PCDHA3: variants seen among roughly 807,000 people sequenced by gnomAD.
PCDHA3 encodes the protein protocadherin alpha-3.
A neutral mutation model predicts 62.2 loss-of-function variants in PCDHA3; 41 were observed. That is an observed-to-expected ratio of 0.66 (90% CI 0.51 to 0.86). PCDHA3 has a LOEUF of 0.86. Ranked by LOEUF, PCDHA3 falls within the 40% of genes least tolerant of loss-of-function variation. PCDHA3 has a pLI of 0.00. For synonymous variants in PCDHA3, 640 were observed against 555.4 expected, an observed-to-expected ratio of 1.15 and a Z score of -2.14; for missense variants, 1,304 against 1,241.2, an observed-to-expected ratio of 1.05 and a Z score of -0.76.
intron 1 of PCDHA3, chr5:140,836,271 G>A: frequency 1.9e-6 from 3 of 1,613,806 alleles, no homozygotes; most frequent in Non-Finnish European, 2.5e-6. Context: ...GTACACTGGT[G>A]AGATCAGCAC....
intron 1 of PCDHA3, chr5:140,828,067 G>T (rs2150150517): frequency 6.4e-7 from 1 of 1,560,564 alleles, no homozygotes; most frequent in Admixed American, 2.0e-5. Flanking sequence ...ATCTTCTAAT[G>T]GAAATAAAAC....
chr5:140,966,862 G>C lies in PCDHA3; in HGVS notation c.2395-12087G>C, dbSNP rs782810195. On this transcript the variant is annotated intron_variant, in intron 1 of 3. Transcript: ENST00000522353. ...TGCTACTGCCTCTCCTGCTGCTGTTGCTGCTGCTGCTACCTGGCCCTGCGG... is the reference window on the plus strand; with the variant it reads ...TGCTACTGCCTCTCCTGCTGCTGTTCCTGCTGCTGCTACCTGGCCCTGCGG... The C allele has an allele frequency of 1.2e-5, 18 of 1,562,198 alleles. No individual in the cohort carries two copies. Among genetic ancestry groups the C allele is most frequent in the Non-Finnish European group, 1.5e-5 (18 of 1,164,444 alleles).
intron 1 of PCDHA3, chr5:140,927,642 T>A: frequency 6.2e-7 from 1 of 1,614,156 alleles, no homozygotes; most frequent in Non-Finnish European, 8.5e-7. Flanking sequence ...CCAATGGGAC[T>A]GTGTTATTCC....
intron 1 of PCDHA3, among the ~76,000 whole-genome samples, chr5:140,846,468 G>A (rs1461783374): frequency 7.0e-6 from 1 of 142,284 alleles, no homozygotes; most frequent in East Asian, 2.1e-4. Flanking sequence ...TCTGCCTCCC[G>A]GGTTCAAATG....
intron 1 of PCDHA3, chr5:140,856,033 A>T: frequency 1.3e-6 from 2 of 1,564,122 alleles, no homozygotes; most frequent in Non-Finnish European, 1.7e-6. Flanking sequence ...GATTTGTAAA[A>T]CAAGAGAAGG....
At chr5:140,842,863 C>A (rs1431713195) in intron 1 of PCDHA3, 4 of 1,593,844 alleles carry the variant, frequency 2.5e-6, no homozygotes, top group African/African-American at 1.3e-5. Context: ...ACACGGAGAG[C>A]GGCAAGGTGT....
rs116346509 is a variant in PCDHA3 at position 140,904,582 on chromosome 5, G to A, written c.2395-74367G>A. ...TTTTTTTCCTCTGGGTAGACACCCA[G>A]TAGTGGGACTGCTGGATCAAATAGT... On this transcript the variant is annotated intron_variant, in intron 1 of 3. Transcript: ENST00000522353. Among the ~76,000 whole-genome samples, 650 of 152,092 alleles carry A rather than the reference G, an allele frequency of 4.3e-3. 5 individuals are homozygous for A. The highest frequency in any genetic ancestry group is 5.5e-3 in the Non-Finnish European group (373 of 67,986).
At chr5:140,967,976 C>G in intron 1 of PCDHA3, 14 of 1,614,222 alleles carry the variant, frequency 8.7e-6, no homozygotes, top group Non-Finnish European at 1.2e-5. Context: ...GAGCCTGGGT[C>G]TGGAGGCCAC....
chr5:140,871,152 G>T lies in PCDHA3; in HGVS notation c.2394+67561G>T, dbSNP rs376980257. 913 of 1,613,436 alleles carry T rather than the reference G, an allele frequency of 5.7e-4. 8 individuals carry two copies. In the South Asian group the frequency reaches 9.3e-3, roughly 16 times the overall value. Reference sequence around the variant, plus strand: ...CAAAGGCCTCTTCCCGGACTTTGGCGGGCGCCGCGAGCCCAGAGGCTGCGC... The same window carrying T: ...CAAAGGCCTCTTCCCGGACTTTGGCTGGCGCCGCGAGCCCAGAGGCTGCGC... On this transcript the variant is annotated intron_variant, in intron 1 of 3. Transcript: ENST00000522353.
At chr5:140,834,897 C>T (rs1364114983) in intron 1 of PCDHA3, 11 of 1,602,496 alleles carry the variant, frequency 6.9e-6, no homozygotes, top group Non-Finnish European at 2.6e-6. Flanking sequence ...CACTTACAGA[C>T]TGAGCCCCAA....
intron 1 of PCDHA3, chr5:140,828,588 C>A: frequency 6.2e-7 from 1 of 1,614,210 alleles, no homozygotes; most frequent in South Asian, 1.1e-5. Context: ...GGCTCAAATT[C>A]CATCTTAACC....
In PCDHA3 at chr5:140,923,435, G is replaced by A. The variant is rs186360462; in HGVS notation, c.2395-55514G>A. 5.3e-3 allele frequency among the ~76,000 whole-genome samples: 803 copies of A among 152,184 alleles called. 3 individuals are homozygous for A. Among genetic ancestry groups the A allele is most frequent in the Non-Finnish European group, 8.4e-3 (569 of 67,990 alleles). ...CCTGGCTACTTGGGAGGCTGGGGTG[G>A]GAGGATCACCTGAGCCCAGAGAGGT... On this transcript the variant is annotated intron_variant, in intron 1 of 3. Transcript: ENST00000522353.
At chr5:140,878,562 T>C (rs2057643889) in intron 1 of PCDHA3, among the ~76,000 whole-genome samples, 1 of 152,210 alleles carries the variant, frequency 6.6e-6, no homozygotes, top group Non-Finnish European at 1.5e-5. Context: ...CCCAAACTTA[T>C]CATAGTATAC....
rs1234453098 is a variant in PCDHA3, at chr5:141,010,058, C to A, written c.*121C>A. 2 of 1,600,982 alleles carry A rather than the reference C, an allele frequency of 1.2e-6. No homozygotes were observed. The highest frequency in any genetic ancestry group is 1.7e-6 in the Non-Finnish European group (2 of 1,173,736). Reference sequence around the variant, plus strand: ...GAGCCCTCTTAGAGACCTCAGAAATCTGCAGAAAGTTCCCTGTGTCTGTCT... The same window carrying A: ...GAGCCCTCTTAGAGACCTCAGAAATATGCAGAAAGTTCCCTGTGTCTGTCT... On this transcript the variant is annotated 3_prime_UTR_variant, in exon 4 of 4. Transcript: ENST00000522353.
intron 3 of PCDHA3, among the ~76,000 whole-genome samples, chr5:140,997,797 C>T (rs2097786104): frequency 6.6e-6 from 1 of 151,944 alleles, no homozygotes; most frequent in Non-Finnish European, 1.5e-5. Context: ...TATAATTTAT[C>T]CAATTTGCTG....
At chr5:140,826,481 T>C (rs1342710477) in intron 1 of PCDHA3, among the ~76,000 whole-genome samples, 1 of 152,200 alleles carries the variant, frequency 6.6e-6, no homozygotes, top group Non-Finnish European at 1.5e-5. Context: ...TTTTACTGTA[T>C]ATCAGAATTT....
chr5:141,008,786 T>C (rs2098390952), intron 3 of PCDHA3, among the ~76,000 whole-genome samples: 1 of 152,212 alleles, frequency 6.6e-6, no homozygotes, highest in South Asian at 2.1e-4. Context: ...TGGCTCCCAG[T>C]GTTTTATCTA....
At chr5:140,828,426 G>T (rs2150155253) in intron 1 of PCDHA3, 65 of 1,614,170 alleles carry the variant, frequency 4.0e-5, no homozygotes, top group Non-Finnish European at 5.4e-5. Flanking sequence ...ATCGTGGACA[G>T]GCCGCTGCAG....
At chr5:140,808,849 C>A (rs1466970963) in intron 1 of PCDHA3, 1 of 1,612,966 alleles carries the variant, frequency 6.2e-7, no homozygotes, top group Non-Finnish European at 8.5e-7. Context: ...TGCAGGTGTT[C>A]GTGCTGGACG....
Sources: gnomAD v4.1 joint callset for allele counts (sites outside exome capture counted in the v4.1 genomes callset) on GRCh38, gnomAD v4.1.1 for gene constraint, MANE v1.5 for transcripts, NCBI Gene and HGNC (gene_info 2026-07-23, HGNC 2026-07-21) for gene names.